The following DMD variants were observed in gnomAD, a reference collection of about 807,000 sequenced individuals.
DMD encodes dystrophin.
DMD carries 63 observed loss-of-function variants against 330.1 expected under a neutral mutation model. The observed-to-expected ratio is 0.19, with a 90% CI of 0.16 to 0.24. The LOEUF is 0.24. Among genes scored for constraint, DMD ranks in the 10% least tolerant of loss-of-function variants. The pLI, the probability that DMD is intolerant of heterozygous loss-of-function variation, is 1.00. For synonymous variants in DMD, 1,223 were observed against 959.8 expected, an observed-to-expected ratio of 1.27 and a Z score of -5.07; for missense variants, 3,344 against 2,684.1, an observed-to-expected ratio of 1.25 and a Z score of -5.43.
intron 23 of DMD, among the ~76,000 whole-genome samples, chrX:32,464,980 T>C (rs2098396488): frequency 8.9e-6 from 1 of 111,959 alleles, no homozygotes; most frequent in Non-Finnish European, 1.9e-5. Context: ...TATCCCCCTC[T>C]AGAGAAATTT....
chrX:33,301,045 C>T lies in DMD; in HGVS notation c.7+38214G>A, dbSNP rs144612554. ...CGATAAAGCAGTATCCATGCACTCG[C>T]TGTCCTTCAGTATTTTGCATGAAGC... is the stretch of plus-strand genomic sequence containing the variant. On this transcript the variant is annotated intron_variant, in intron 1 of 17. Coordinates refer to the DMD transcript ENST00000288447. Among the ~76,000 whole-genome samples, 7 of 111,715 alleles carry T rather than the reference C, an allele frequency of 6.3e-5. No individual in the cohort carries two copies. The East Asian group carries it at 1.1e-3, about 18-fold the overall frequency.
intron 55 of DMD, among the ~76,000 whole-genome samples, chrX:31,528,614 T>C (rs1366698335): frequency 8.9e-6 from 1 of 112,415 alleles, no homozygotes; most frequent in African/African-American, 3.2e-5. Context: ...AAATCGAGCT[T>C]AATTTTTTAA....
intron 43 of DMD, among the ~76,000 whole-genome samples, chrX:32,238,038 A>C (rs1442400609): frequency 1.8e-5 from 2 of 111,923 alleles, no homozygotes; most frequent in African/African-American, 6.5e-5. Flanking sequence ...TATTTTTGAA[A>C]ATAGATTTCT....
At chrX:32,966,459 T>C (rs2092159768) in intron 2 of DMD, among the ~76,000 whole-genome samples, 1 of 111,760 alleles carries the variant, frequency 8.9e-6, no homozygotes, top group African/African-American at 3.3e-5. Flanking sequence ...TGCCCTGGGA[T>C]ACAAGATCTA....
intron 44 of DMD, among the ~76,000 whole-genome samples, chrX:32,083,390 T>C (rs986507499): frequency 9.0e-6 from 1 of 110,543 alleles, no homozygotes; most frequent in African/African-American, 3.3e-5. Context: ...CCCGAGTAGC[T>C]GGGACTACCG....
intron 66 of DMD, among the ~76,000 whole-genome samples, chrX:31,205,688 A>G (rs1190259643): frequency 1.8e-5 from 2 of 112,466 alleles, no homozygotes; most frequent in Non-Finnish European, 3.7e-5. Flanking sequence ...TCAAGTGGAA[A>G]CTACATAAAA....
At chrX:31,925,747 C>T (rs1023982524) in intron 47 of DMD, among the ~76,000 whole-genome samples, 1 of 109,249 alleles carries the variant, frequency 9.2e-6, no homozygotes, top group African/African-American at 3.3e-5. Flanking sequence ...TGGTGCATGC[C>T]TGTAATCCCA....
At chrX:32,797,079 T>G (rs1480855040) in intron 7 of DMD, among the ~76,000 whole-genome samples, 1 of 111,822 alleles carries the variant, frequency 8.9e-6, no homozygotes, top group Non-Finnish European at 1.9e-5. Context: ...AGCTTTAAGG[T>G]TTTTGGATAT....
At chrX:33,244,013 T>A (rs753421360) in intron 1 of DMD, among the ~76,000 whole-genome samples, 2 of 112,123 alleles carry the variant, frequency 1.8e-5, no homozygotes, top group South Asian at 3.7e-4. Flanking sequence ...ATAACATTTT[T>A]AAAAATAAAA....
chrX:33,301,295 A>G (rs1322581372), intron 1 of DMD, among the ~76,000 whole-genome samples: 8 of 111,421 alleles, frequency 7.2e-5, no homozygotes, highest in Non-Finnish European at 1.5e-4. Context: ...CACCTCTTCA[A>G]AATAGTGTGT....
At chrX:32,262,300 C>T (rs749143654) in intron 43 of DMD, among the ~76,000 whole-genome samples, 39 of 111,477 alleles carry the variant, frequency 3.5e-4, no homozygotes, top group Admixed American at 2.9e-3. Flanking sequence ...TTCTATAAAA[C>T]GCAAACTTAT....
chrX:31,602,067 T>C (rs941535903), intron 55 of DMD, among the ~76,000 whole-genome samples: 1 of 111,707 alleles, frequency 9.0e-6, no homozygotes, highest in Non-Finnish European at 1.9e-5. Context: ...GGTTTACACA[T>C]AAATCTTTTA....
chrX:31,568,140 C>G (rs1476793147), intron 55 of DMD, among the ~76,000 whole-genome samples: 1 of 111,141 alleles, frequency 9.0e-6, no homozygotes, highest in African/African-American at 3.3e-5. Context: ...GTTCTGGGAA[C>G]ATATAAGTTG....
intron 53 of DMD, among the ~76,000 whole-genome samples, chrX:31,668,480 T>G (rs972257626): frequency 2.7e-5 from 3 of 111,097 alleles, no homozygotes; most frequent in Non-Finnish European, 5.7e-5. Flanking sequence ...TTTTTAATTT[T>G]ATTTTGCTTT....
At chrX:31,757,416 G>C (rs73459891) in intron 51 of DMD, among the ~76,000 whole-genome samples, 12,037 of 111,689 alleles carry the variant, frequency 0.11, 960 homozygotes, top group African/African-American at 0.27. Context: ...GAGTGCTGCT[G>C]GTAGACAGCC....
intron 52 of DMD, among the ~76,000 whole-genome samples, chrX:31,727,716 G>T (rs917661358): frequency 3.6e-5 from 4 of 112,007 alleles, no homozygotes; most frequent in African/African-American, 1.3e-4. Flanking sequence ...ACCTGTTATA[G>T]TGGCTAGTGT....
chrX:33,192,387 C>T (rs2050705417), intron 1 of DMD, among the ~76,000 whole-genome samples: 1 of 112,337 alleles, frequency 8.9e-6, no homozygotes, highest in Non-Finnish European at 1.9e-5. Context: ...ATGCTCTGCT[C>T]TCATGCTGCA....
chrX:32,705,134 T>C (rs1201702086), intron 7 of DMD, among the ~76,000 whole-genome samples: 1 of 112,228 alleles, frequency 8.9e-6, no homozygotes, highest in Non-Finnish European at 1.9e-5. Context: ...ATACAATAGA[T>C]ATACAACATT....
intron 1 of DMD, among the ~76,000 whole-genome samples, chrX:33,041,209 C>G (rs1231784873): frequency 8.8e-6 from 1 of 113,320 alleles, no homozygotes; most frequent in African/African-American, 3.2e-5. Context: ...AATGTTCACA[C>G]CTGAGTACTC....
Sources: gnomAD v4.1 joint callset for allele counts (sites outside exome capture counted in the v4.1 genomes callset) on GRCh38, gnomAD v4.1.1 for gene constraint, MANE v1.5 for transcripts, NCBI Gene and HGNC (gene_info 2026-07-23, HGNC 2026-07-21) for gene names.